The following XPO7 variants were observed in gnomAD, a reference collection of about 807,000 sequenced individuals.
The protein encoded by XPO7 is exportin 7, also known as exportin-7.
Under a neutral mutation model 144.3 loss-of-function variants are expected in XPO7, and 21 were observed. The observed-to-expected ratio is 0.15, with a 90% CI of 0.10 to 0.21. The LOEUF (loss-of-function observed/expected upper bound fraction) is 0.21, where lower values mean the gene tolerates loss of function less well. Ranked by LOEUF, XPO7 falls within the 10% of genes least tolerant of loss-of-function variation. The probability of loss-of-function intolerance (pLI) is 1.00; values close to 1 mark genes in which losing one functional copy is unlikely to be tolerated. For missense variants in XPO7, 808 were observed against 1,325.8 expected (o/e 0.61, Z 6.06); for synonymous variants, 580 against 499.6 (o/e 1.16, Z -2.15).
chr8:21,948,335 C>T (rs1329824646), intron 1 of XPO7, among the ~76,000 whole-genome samples: 1 of 152,162 alleles, frequency 6.6e-6, no homozygotes, highest in Non-Finnish European at 1.5e-5. Flanking sequence ...TGTTTAGATA[C>T]ACAAAGACCA....
At chr8:21,947,379 A>G (rs1811226047) in intron 1 of XPO7, among the ~76,000 whole-genome samples, 1 of 152,210 alleles carries the variant, frequency 6.6e-6, no homozygotes, top group South Asian at 2.1e-4. Flanking sequence ...AAAAAGAAAA[A>G]TAGAACAAAT....
intron 21 of XPO7, among the ~76,000 whole-genome samples, chr8:21,997,919 T>C (rs1483911313): frequency 6.6e-6 from 1 of 152,168 alleles, no homozygotes; most frequent in East Asian, 1.9e-4. Context: ...CTCATCAAAA[T>C]GTGGAGCAGA....
At chr8:21,955,724 C>CTTTTTTTTTTTTTTTTTT (rs71544845) in intron 1 of XPO7, among the ~76,000 whole-genome samples, 1 of 102,774 alleles carries the variant, frequency 9.7e-6, no homozygotes, top group Non-Finnish European at 1.8e-5. Flanking sequence ...CTGTGCTTAC[C>CTTTTTTTTTTTTTTTTTT]TTTTTTTTTT....
At chr8:21,989,494 T>G (rs1398472026) in intron 16 of XPO7, among the ~76,000 whole-genome samples, 1 of 152,228 alleles carries the variant, frequency 6.6e-6, no homozygotes, top group Non-Finnish European at 1.5e-5. Context: ...TGCTTCCTCT[T>G]GACTTGAATT....
intron 1 of XPO7, among the ~76,000 whole-genome samples, chr8:21,922,234 TTC>T (rs1333650939): frequency 6.6e-6 from 1 of 152,192 alleles, no homozygotes. Context: ...GATTCTCGGG[TTC>T]TCTCAGGCTG....
At chr8:21,972,959 C>T (rs1019161195) in intron 5 of XPO7, among the ~76,000 whole-genome samples, 6 of 152,200 alleles carry the variant, frequency 3.9e-5, no homozygotes, top group Non-Finnish European at 7.3e-5. Flanking sequence ...ACAGCTTACA[C>T]TTTTGAGTGA....
intron 1 of XPO7, among the ~76,000 whole-genome samples, chr8:21,921,784 A>G (rs1286830904): frequency 6.6e-6 from 1 of 152,222 alleles, no homozygotes; most frequent in Non-Finnish European, 1.5e-5. Context: ...CTGTTGGTCT[A>G]AATTAGTGCT....
intron 21 of XPO7, among the ~76,000 whole-genome samples, chr8:21,997,846 G>C (rs150878996): frequency 4.6e-5 from 7 of 152,266 alleles, no homozygotes; most frequent in African/African-American, 7.2e-5. Flanking sequence ...CAGTGTGGTG[G>C]GGGGGAGGAA....
rs552466488 is a variant in XPO7 at position 21,951,255 on chromosome 8, T to C, written c.19-15602T>C. ...TAGGTAGATATGCTCACCTCTTTGG[T>C]TAAGTACGTCTTTTTTTTTTTAAAC... On this transcript the variant is annotated intron_variant, in intron 1 of 27. Coordinates refer to ENST00000252512, the MANE Select transcript of XPO7 (RefSeq NM_015024.5). Among the ~76,000 whole-genome samples the C allele has an allele frequency of 3.9e-5, 6 of 152,154 alleles. No individual in the cohort carries two copies. The South Asian group carries it at 1.2e-3, about 32-fold the overall frequency.
At chr8:21,941,887 G>C (rs1017668481) in intron 1 of XPO7, among the ~76,000 whole-genome samples, 1 of 152,128 alleles carries the variant, frequency 6.6e-6, no homozygotes, top group Non-Finnish European at 1.5e-5. Context: ...GTCTCAGGAT[G>C]TTGCCTAGGC....
chr8:21,928,703 C>A lies in XPO7; in HGVS notation c.18+8915C>A, dbSNP rs1585414462. Reference sequence around the variant, plus strand: ...AAACCAGGCTGGTGTTTTGGCCTGACAGCCTGTTTTTGTATGGCCTGCACC... The same window carrying A: ...AAACCAGGCTGGTGTTTTGGCCTGAAAGCCTGTTTTTGTATGGCCTGCACC... On this transcript the variant is annotated intron_variant, in intron 1 of 27. Coordinates refer to ENST00000252512, the MANE Select transcript of XPO7 (RefSeq NM_015024.5). 2.0e-5 allele frequency among the ~76,000 whole-genome samples: 3 copies of A among 152,226 alleles called. 1 individual carries two copies. The South Asian group carries it at 6.2e-4, about 32-fold the overall frequency.
At chr8:21,999,806 T>A in intron 24 of XPO7, 132 bp downstream of exon 24, 1 of 1,162,656 alleles carries the variant, frequency 8.6e-7, no homozygotes, top group Non-Finnish European at 1.2e-6. Flanking sequence ...AACAATAGAG[T>A]ATATAATGCA....
intron 8 of XPO7, 32 bp downstream of exon 8, chr8:21,977,875 C>T (rs1563329453): frequency 1.4e-5 from 22 of 1,580,380 alleles, no homozygotes; most frequent in Non-Finnish European, 1.9e-5. Context: ...TTAAAGCAAA[C>T]CTATTCATAG....
Position 21,925,811 on chromosome 8 carries a change from A to G in XPO7, c.18+6023A>G, listed in dbSNP as rs372555748. On this transcript the variant is annotated intron_variant, in intron 1 of 27. Coordinates refer to ENST00000252512, the MANE Select transcript of XPO7 (RefSeq NM_015024.5). ...CACCGTGTTCTCAATTCATATGTAC[A>G]TGTTTGTAAAATTCCTTAAAATATT... is the stretch of plus-strand genomic sequence containing the variant. Among the ~76,000 whole-genome samples the G allele has an allele frequency of 5.9e-5, 9 of 152,298 alleles. No homozygotes were observed. The East Asian group carries it at 7.7e-4, about 13-fold the overall frequency.
At chr8:21,946,130 C>T (rs1811181481) in intron 1 of XPO7, among the ~76,000 whole-genome samples, 3 of 152,132 alleles carry the variant, frequency 2.0e-5, no homozygotes, top group Admixed American at 2.0e-4. Flanking sequence ...CATGCATCTG[C>T]ATGGAAAAAG....
At position 21,983,898 on chromosome 8, in the gene XPO7, A is replaced by G. The variant is rs574936761; in HGVS notation, c.1278-748A>G. On this transcript the variant is annotated intron_variant, in intron 11 of 27. Coordinates refer to ENST00000252512, the MANE Select transcript of XPO7 (RefSeq NM_015024.5). Reference sequence around the variant, plus strand: ...GCCATTATCATATTGCAGTGTAACAACAGAAGAGCTCCTCATTGGACAAGA... The same window carrying G: ...GCCATTATCATATTGCAGTGTAACAGCAGAAGAGCTCCTCATTGGACAAGA... 5.3e-5 allele frequency among the ~76,000 whole-genome samples: 8 copies of G among 152,310 alleles called. No individual in the cohort carries two copies. In the South Asian group the frequency reaches 1.5e-3, roughly 28 times the overall value.
chr8:21,994,749 C>G (rs764561381), intron 20 of XPO7, among the ~76,000 whole-genome samples: 2 of 152,080 alleles, frequency 1.3e-5, no homozygotes, highest in Non-Finnish European at 2.9e-5. Context: ...AGAGATGTTT[C>G]AGTCTGCTGA....
At chr8:21,968,401 C>T (rs1811952192) in intron 2 of XPO7, among the ~76,000 whole-genome samples, 1 of 152,184 alleles carries the variant, frequency 6.6e-6, no homozygotes, top group African/African-American at 2.4e-5. Context: ...AGGGGTATAA[C>T]TTTTCCCCCA....
In XPO7 at chr8:21,990,795, T is replaced by C. The variant is rs566337224; in HGVS notation, c.1933-16T>C. 1 of 1,613,334 alleles carries C rather than the reference T, an allele frequency of 6.2e-7. No homozygotes were observed. The highest frequency in any genetic ancestry group is 1.1e-5 in the South Asian group (1 of 91,072). Reference sequence around the variant, plus strand: ...CTCATGTTTTTACCTTTAACTTCTTTTCTTTTTTTCAATAGAGCGAGCACT... The same window carrying C: ...CTCATGTTTTTACCTTTAACTTCTTCTCTTTTTTTCAATAGAGCGAGCACT... On this transcript the variant is annotated splice_polypyrimidine_tract_variant and intron_variant, in intron 17 of 27. Coordinates refer to ENST00000252512, the MANE Select transcript of XPO7 (RefSeq NM_015024.5).
Sources: gnomAD v4.1 joint callset for allele counts (sites outside exome capture counted in the v4.1 genomes callset) on GRCh38, gnomAD v4.1.1 for gene constraint, MANE v1.5 for transcripts, NCBI Gene and HGNC (gene_info 2026-07-23, HGNC 2026-07-21) for gene names.